The following ISM2 variants were observed in gnomAD, a reference collection of about 807,000 sequenced individuals.
ISM2 encodes isthmin 2, also known as isthmin-2.
Under a neutral mutation model 58.0 loss-of-function variants are expected in ISM2, and 50 were observed. The observed-to-expected ratio is 0.86, with a 90% CI of 0.69 to 1.09. The LOEUF (loss-of-function observed/expected upper bound fraction) is 1.09. Among genes scored for constraint, ISM2 ranks in the 50% least tolerant of loss-of-function variants. The pLI is 0.00. For synonymous variants in ISM2, 303 were observed against 312.4 expected (o/e 0.97, Z 0.32); for missense variants, 723 against 745.0 (o/e 0.97, Z 0.34).
Position 77,475,987 on chromosome 14 carries a change from C to T in ISM2, c.1324G>A (p.Val442Met). Reference protein sequence around the residue: ...AYPLEAMDSPVSLQDEHQGRS... With the variant: ...AYPLEAMDSPMSLQDEHQGRS... ...CCCTGGTGCTCGTCCTGTAGGCTCA[C>T]AGGGCTGTCCATGGCCTCCAGTGGG... The change falls in exon 7 of 7, where the codon GTG becomes ATG. Residue 442 changes from valine (V) to methionine (M), a missense_variant. Transcript: ENST00000342219. The surrounding 1 kb of genome is among the most constrained non-coding windows in gnomAD (Gnocchi z 4.1). 1 of 1,592,136 alleles carries T rather than the reference C, an allele frequency of 6.3e-7. No homozygotes were observed. Among genetic ancestry groups the T allele is most frequent in the East Asian group, 2.2e-5 (1 of 44,672 alleles).
chr14:77,497,691 C>T (rs975492450), intron 1 of ISM2, among the ~76,000 whole-genome samples: 44 of 140,852 alleles, frequency 3.1e-4, no homozygotes, highest in Non-Finnish European at 5.8e-4. Context: ...GAGATCCTGT[C>T]CCAAAAATAA....
chr14:77,495,537 G>A (rs2079233816), intron 1 of ISM2, among the ~76,000 whole-genome samples: 1 of 152,206 alleles, frequency 6.6e-6, no homozygotes, highest in Admixed American at 6.5e-5. Flanking sequence ...TCATCTCCAT[G>A]TAGGAGGAGG....
Position 77,482,408 on chromosome 14 carries a change from G to A in ISM2, c.887C>T (p.Ala296Val), listed in dbSNP as rs748323494. 1.5e-5 allele frequency: 24 copies of A among 1,613,978 alleles called. No homozygotes were observed. Among genetic ancestry groups the A allele is most frequent in the African/African-American group, 4.0e-5 (3 of 74,898 alleles). Residue 296 changes from alanine to valine, a missense_variant, in exon 4 of 7, where the codon GCG becomes GTG. By Grantham distance (64) the Ala-to-Val change is moderately conservative (BLOSUM62 0). Coordinates refer to ENST00000342219, the MANE Select transcript of ISM2 (RefSeq NM_199296.3). ...EDKEEDEEEQ[A>V]LWFNGTTDNW... ...GTCTGTAGTTCCATTGAACCAGAGCGCCTGCTCTTCCTCATCTTCCTCTTT... is the reference window on the plus strand; with the variant it reads ...GTCTGTAGTTCCATTGAACCAGAGCACCTGCTCTTCCTCATCTTCCTCTTT...
chr14:77,478,198 C>G, intron 6 of ISM2, 44 bp downstream of exon 6: 1 of 1,529,578 alleles, frequency 6.5e-7, no homozygotes, highest in Non-Finnish European at 9.1e-7. Context: ...CCCCTGAGAG[C>G]TCGTTCCCCA....
intron 6 of ISM2, among the ~76,000 whole-genome samples, chr14:77,476,788 G>T (rs554306859): frequency 2.0e-5 from 3 of 152,188 alleles, no homozygotes; most frequent in African/African-American, 4.8e-5. Flanking sequence ...GATGGCTCAC[G>T]CCTGTAATCT....
At chr14:77,497,771 G>GAAGGAAGA (rs2079255679) in intron 1 of ISM2, among the ~76,000 whole-genome samples, 1 of 54,726 alleles carries the variant, frequency 1.8e-5, no homozygotes, top group South Asian at 7.4e-4. Context: ...GGGAGGGAGG[G>GAAGGAAGA]AAGGAAGGAA....
chr14:77,490,416 C>T (rs1463710414), intron 1 of ISM2, among the ~76,000 whole-genome samples: 1 of 104,042 alleles, frequency 9.6e-6, no homozygotes, highest in East Asian at 2.9e-4. Context: ...GCCGATCACC[C>T]TATATGTACA....
At chr14:77,495,594 G>A (rs371216782) in intron 1 of ISM2, among the ~76,000 whole-genome samples, 22 of 152,114 alleles carry the variant, frequency 1.4e-4, no homozygotes, top group African/African-American at 4.8e-4. Context: ...TCTCCACTAC[G>A]GGCAGTGGGG....
In ISM2 at chr14:77,475,406, C is replaced by T. The variant is rs2079089933; in HGVS notation, c.*189G>A. 1.8e-6 allele frequency: 1 copy of T among 552,010 alleles called. No homozygotes were observed. Among genetic ancestry groups the T allele is most frequent in the Non-Finnish European group, 3.1e-6 (1 of 321,274 alleles). 34.2% of individuals were successfully genotyped at this position (552,010 alleles called of 1,614,324 possible). On this transcript the variant is annotated 3_prime_UTR_variant, in exon 7 of 7. Coordinates refer to ENST00000342219, the MANE Select transcript of ISM2 (RefSeq NM_199296.3). The surrounding 1 kb of genome is among the most constrained non-coding windows in gnomAD (Gnocchi z 4.1). Reference sequence around the variant, plus strand: ...ACCCTGGGCCCTACATACCCTTCAACCTTCTCACTAACCCCACTGAGATAT... The same window carrying T: ...ACCCTGGGCCCTACATACCCTTCAATCTTCTCACTAACCCCACTGAGATAT...
At chr14:77,498,341 TCCGCTCAGGGCGAGGA>T (rs1479909030) in intron 1 of ISM2, 2 of 1,410,614 alleles carry the variant, frequency 1.4e-6, no homozygotes, top group Admixed American at 4.3e-5. Context: ...GCAGGCGAGG[TCCGCTCAGGGCGAGGA>T]AGCCCGGCCA....
At chr14:77,497,367 CAAAA>C (rs35676781) in intron 1 of ISM2, among the ~76,000 whole-genome samples, 2 of 64,784 alleles carry the variant, frequency 3.1e-5, no homozygotes, top group African/African-American at 7.2e-5. Flanking sequence ...GGCTCTGTCT[CAAAA>C]AAAAAAAAAA....
Position 77,484,555 on chromosome 14 carries a change from G to C in ISM2, c.395C>G (p.Ser132Cys), listed in dbSNP as rs778766551. ...TTCCCTCAGAGGCCTAGGATCTGGGGAGGCTGAAGCCTGAGGAAGAGAGAG... is the reference window on the plus strand; with the variant it reads ...TTCCCTCAGAGGCCTAGGATCTGGGCAGGCTGAAGCCTGAGGAAGAGAGAG... ...TPNPDTQASA[S>C]PDPRPLREEE... Residue 132 changes from serine to cysteine, a missense_variant, in exon 3 of 7, where the codon TCC becomes TGC. Physicochemically the swap from Ser to Cys is moderately radical, Grantham distance 112. Transcript: ENST00000342219. 1 of 1,598,594 alleles carries C rather than the reference G, an allele frequency of 6.3e-7. No individual in the cohort carries two copies. The highest frequency in any genetic ancestry group is 8.5e-7 in the Non-Finnish European group (1 of 1,172,580).
At chr14:77,486,706 T>C (rs932760538) in intron 1 of ISM2, among the ~76,000 whole-genome samples, 19 of 152,128 alleles carry the variant, frequency 1.2e-4, no homozygotes, top group African/African-American at 4.6e-4. Context: ...TTTTGGCTGA[T>C]TGGGATACCC....
At chr14:77,498,544 G>T (rs1399868531) in intron 1 of ISM2, 109 bp downstream of exon 1, 9 of 1,378,484 alleles carry the variant, frequency 6.5e-6, no homozygotes, top group Middle Eastern at 2.2e-4. Context: ...TCCATCGGGG[G>T]GTCGCTGCCT....
At position 77,483,380 on chromosome 14, in the gene ISM2, A is replaced by C. The variant is rs1327892684; in HGVS notation, c.628-713T>G. 1.3e-5 allele frequency among the ~76,000 whole-genome samples: 2 copies of C among 152,070 alleles called. 1 individual carries two copies. The highest frequency in any genetic ancestry group is 3.8e-4 in the East Asian group (2 of 5,198). The stretch of plus-strand genomic sequence containing the variant: ...CGAGACCAGCCTGGCCAACATGGTG[A>C]AACCCCGTCTCTACTAAAAATACAA... On this transcript the variant is annotated intron_variant, in intron 3 of 6. Coordinates refer to ENST00000342219, the MANE Select transcript of ISM2 (RefSeq NM_199296.3).
chr14:77,496,799 G>GAAAAAAAA (rs772342344), intron 1 of ISM2, among the ~76,000 whole-genome samples: 4 of 25,802 alleles, frequency 1.6e-4, no homozygotes, highest in African/African-American at 7.3e-4. Context: ...TCCATCTCAG[G>GAAAAAAAA]AAAAAAAAAA....
intron 1 of ISM2, among the ~76,000 whole-genome samples, chr14:77,491,751 C>T (rs2079206504): frequency 7.2e-6 from 1 of 138,102 alleles, no homozygotes; most frequent in Non-Finnish European, 1.5e-5. Flanking sequence ...GGCTGGGGTG[C>T]AGAGGCACAA....
intron 1 of ISM2, among the ~76,000 whole-genome samples, chr14:77,492,202 C>T (rs1199407722): frequency 6.6e-6 from 1 of 152,102 alleles, no homozygotes; most frequent in African/African-American, 2.4e-5. Flanking sequence ...CTTTGTGGCA[C>T]CAAGTCCCCA....
chr14:77,498,255 G>A (rs1417877640), intron 1 of ISM2: 3 of 1,303,368 alleles, frequency 2.3e-6, no homozygotes, highest in East Asian at 5.3e-5. Context: ...GCCCTGGCCC[G>A]CCACTCCGCA....
Sources: gnomAD v4.1 joint callset for allele counts (sites outside exome capture counted in the v4.1 genomes callset) on GRCh38, gnomAD v4.1.1 for gene constraint, Gnocchi (gnomAD v3.1) non-coding constraint, MANE v1.5 for transcripts, NCBI Gene and HGNC (gene_info 2026-07-23, HGNC 2026-07-21) for gene names.